Variants in CSMD1 observed in about 807,000 individuals in gnomAD.
CSMD1 encodes the protein CUB and sushi domain-containing protein 1.
In CSMD1, 213 loss-of-function variants were observed where a neutral mutation model predicts 417.5. The ratio of observed to expected loss-of-function variants is 0.51; its 90% CI spans 0.46 to 0.57. CSMD1 has a LOEUF of 0.57. CSMD1 is among the 20% of genes least tolerant of loss of function. CSMD1 has a pLI of 0.00. For synonymous variants in CSMD1, 2,862 were observed against 1,736.8 expected, an observed-to-expected ratio of 1.65 and a Z score of -16.11; for missense variants, 6,923 against 4,529.7, an observed-to-expected ratio of 1.53 and a Z score of -15.17.
At chr8:3,592,802 C>G (rs916306984) in intron 8 of CSMD1, among the ~76,000 whole-genome samples, 3 of 152,178 alleles carry the variant, frequency 2.0e-5, no homozygotes, top group East Asian at 1.9e-4. Context: ...AAGTTACAGA[C>G]TTCCAAATTC....
intron 1 of CSMD1, among the ~76,000 whole-genome samples, chr8:4,879,203 T>C (rs1803241877): frequency 6.6e-6 from 1 of 151,940 alleles, no homozygotes. Context: ...GACAGGCCAA[T>C]GGCTGCAGCG....
rs62488313 is a variant in CSMD1, at chr8:3,066,661, A to T, written c.7475-14014T>A. On this transcript the variant is annotated intron_variant, in intron 49 of 69. Transcript: ENST00000635120. ...ACCTGTTTTAAAAACACAGGACACA[A>T]TCGTATTTGTCAAATGGCTCTGTAG... is the stretch of plus-strand genomic sequence containing the variant. 7.0e-3 allele frequency among the ~76,000 whole-genome samples: 1,060 copies of T among 152,296 alleles called. 3 individuals are homozygous for T. The highest frequency in any genetic ancestry group is 0.014 in the Middle Eastern group (4 of 294).
chr8:4,912,083 A>C (rs1216230894), intron 1 of CSMD1, among the ~76,000 whole-genome samples: 1 of 145,114 alleles, frequency 6.9e-6, no homozygotes, highest in Non-Finnish European at 1.5e-5. Flanking sequence ...GTTCTTTCCA[A>C]TTTCAGATCC....
chr8:3,790,548 CTT>C (rs1280255856), intron 5 of CSMD1, among the ~76,000 whole-genome samples: 2 of 152,096 alleles, frequency 1.3e-5, no homozygotes, highest in Non-Finnish European at 2.9e-5. Context: ...ACAACAGAAA[CTT>C]AGACAACTAG....
At chr8:4,036,770 T>C (rs950521559) in intron 3 of CSMD1, among the ~76,000 whole-genome samples, 3 of 152,242 alleles carry the variant, frequency 2.0e-5, no homozygotes, top group Non-Finnish European at 4.4e-5. Flanking sequence ...AATAGCACTG[T>C]TGGCAGCACC....
intron 1 of CSMD1, among the ~76,000 whole-genome samples, chr8:4,899,862 G>T (rs1992203): frequency 0.18 from 27,971 of 152,130 alleles, 3,417 homozygotes; most frequent in East Asian, 0.51. Context: ...TTTCTCTGGT[G>T]TCAGACATAC....
chr8:3,746,773 T>C (rs1440974174), intron 6 of CSMD1, among the ~76,000 whole-genome samples: 5 of 152,334 alleles, frequency 3.3e-5, no homozygotes, highest in South Asian at 4.1e-4. Context: ...GAATGAACTT[T>C]TACATTTATG....
intron 10 of CSMD1, among the ~76,000 whole-genome samples, chr8:3,569,259 A>C (rs1799845821): frequency 6.6e-6 from 1 of 152,172 alleles, no homozygotes; most frequent in African/African-American, 2.4e-5. Context: ...GTTCCTTTTG[A>C]CATGATATAG....
chr8:4,300,174 C>T (rs1797903729), intron 3 of CSMD1, among the ~76,000 whole-genome samples: 1 of 152,120 alleles, frequency 6.6e-6, no homozygotes, highest in African/African-American at 2.4e-5. Flanking sequence ...ACAAAACAGA[C>T]AATTTCCTTT....
chr8:4,263,965 G>C (rs1477465026), intron 3 of CSMD1, among the ~76,000 whole-genome samples: 3 of 152,172 alleles, frequency 2.0e-5, no homozygotes, highest in Non-Finnish European at 4.4e-5. Context: ...CATAGCAGAA[G>C]AATCATAGCC....
At chr8:4,309,205 G>T (rs1243067056) in intron 3 of CSMD1, among the ~76,000 whole-genome samples, 2 of 152,100 alleles carry the variant, frequency 1.3e-5, no homozygotes, top group South Asian at 4.1e-4. Flanking sequence ...AATTCCTAGG[G>T]TCAGTTTGAT....
At chr8:3,480,574 G>C (rs1305718911) in intron 11 of CSMD1, among the ~76,000 whole-genome samples, 1 of 151,922 alleles carries the variant, frequency 6.6e-6, no homozygotes, top group Non-Finnish European at 1.5e-5. Context: ...TGAATTTATA[G>C]ACCCAAAAAA....
intron 3 of CSMD1, among the ~76,000 whole-genome samples, chr8:4,032,488 A>C (rs974642432): frequency 6.6e-6 from 1 of 152,244 alleles, no homozygotes; most frequent in African/African-American, 2.4e-5. Context: ...AAACAGTGGC[A>C]TAAGAAATAC....
chr8:4,828,227 T>C (rs1238203207), intron 1 of CSMD1, among the ~76,000 whole-genome samples: 1 of 152,208 alleles, frequency 6.6e-6, no homozygotes, highest in Non-Finnish European at 1.5e-5. Flanking sequence ...TTCTACATGC[T>C]AAGCCAATAT....
chr8:3,876,580 C>T (rs1163459762), intron 5 of CSMD1, among the ~76,000 whole-genome samples: 1 of 152,118 alleles, frequency 6.6e-6, no homozygotes, highest in Non-Finnish European at 1.5e-5. Flanking sequence ...GAGGTACTGG[C>T]TTTTTATCAT....
intron 3 of CSMD1, among the ~76,000 whole-genome samples, chr8:4,067,394 A>G (rs1799307083): frequency 6.6e-6 from 1 of 152,202 alleles, no homozygotes; most frequent in South Asian, 2.1e-4. Flanking sequence ...TGGTAGAAAA[A>G]CAGTATTTCC....
At chr8:3,612,253 A>G (rs1231517698) in intron 8 of CSMD1, among the ~76,000 whole-genome samples, 1 of 144,782 alleles carries the variant, frequency 6.9e-6, no homozygotes, top group East Asian at 2.1e-4. Context: ...ACAAAAATAC[A>G]CAGCAATTTT....
chr8:3,982,186 A>ATAT (rs1456391743), intron 5 of CSMD1, among the ~76,000 whole-genome samples: 3 of 128,468 alleles, frequency 2.3e-5, no homozygotes, highest in Admixed American at 1.7e-4. Context: ...AATAATAATA[A>ATAT]TAATATTAAT....
intron 1 of CSMD1, among the ~76,000 whole-genome samples, chr8:4,951,803 G>A (rs1349298428): frequency 6.6e-6 from 1 of 151,494 alleles, no homozygotes; most frequent in Admixed American, 6.6e-5. Flanking sequence ...ATATTTCTGA[G>A]CCTTCTCCTT....
Sources: allele counts gnomAD v4.1 joint callset (sites outside exome capture counted in the v4.1 genomes callset), GRCh38; gene constraint gnomAD v4.1.1; transcripts MANE v1.5; gene names NCBI Gene and HGNC (gene_info 2026-07-23, HGNC 2026-07-21).